EPHA6: variants seen among roughly 807,000 people sequenced by gnomAD.
EPHA6 encodes the protein ephrin type-A receptor 6.
In EPHA6, 50 loss-of-function variants were observed where a neutral mutation model predicts 112.0. That is an observed-to-expected ratio of 0.45 (90% confidence interval 0.36 to 0.56). The LOEUF (loss-of-function observed/expected upper bound fraction) is 0.56. EPHA6 is among the 20% of genes least tolerant of loss of function. The pLI is 0.00. For missense variants in EPHA6, 1,280 were observed against 1,417.4 expected (o/e 0.90, Z 1.56); for synonymous variants, 529 against 490.7 (o/e 1.08, Z -1.03).
At chr3:97,264,265 G>A (rs2079599807) in intron 5 of EPHA6, among the ~76,000 whole-genome samples, 1 of 152,222 alleles carries the variant, frequency 6.6e-6, no homozygotes, top group African/African-American at 2.4e-5. Context: ...TGCCTCCAAG[G>A]GAGAATGCAA....
At chr3:96,861,529 G>T (rs995606890) in intron 1 of EPHA6, among the ~76,000 whole-genome samples, 1 of 151,952 alleles carries the variant, frequency 6.6e-6, no homozygotes, top group Non-Finnish European at 1.5e-5. Flanking sequence ...TAGCAGAGTA[G>T]AAAACTGAAA....
intron 1 of EPHA6, among the ~76,000 whole-genome samples, chr3:96,860,483 C>CT (rs1306613314): frequency 6.6e-6 from 1 of 151,978 alleles, no homozygotes; most frequent in Non-Finnish European, 1.5e-5. Flanking sequence ...GTTATAATCT[C>CT]TTTTATCAGG....
chr3:97,543,502 G>T (rs2092898832), intron 11 of EPHA6, among the ~76,000 whole-genome samples: 1 of 152,166 alleles, frequency 6.6e-6, no homozygotes, highest in Non-Finnish European at 1.5e-5. Flanking sequence ...CTGTAGCCTT[G>T]TAGTATAGTT....
intron 3 of EPHA6, among the ~76,000 whole-genome samples, chr3:97,049,422 TA>T (rs1213717868): frequency 6.6e-6 from 1 of 152,138 alleles, no homozygotes; most frequent in Non-Finnish European, 1.5e-5. Context: ...ATAGAAATAT[TA>T]GGAAGAATAA....
chr3:97,055,151 A>G (rs2045812097), intron 3 of EPHA6, among the ~76,000 whole-genome samples: 1 of 152,146 alleles, frequency 6.6e-6, no homozygotes, highest in Admixed American at 6.6e-5. Flanking sequence ...TGGGTTGCCT[A>G]TTAAATATGA....
intron 2 of EPHA6, among the ~76,000 whole-genome samples, chr3:96,938,002 T>G (rs577190355): frequency 6.6e-6 from 1 of 152,324 alleles, no homozygotes; most frequent in African/African-American, 2.4e-5. Flanking sequence ...GCTGTTTTGG[T>G]TACTGTAGCC....
chr3:97,693,401 T>G lies in EPHA6; in HGVS notation c.2785-26860T>G, dbSNP rs567398622. Among the ~76,000 whole-genome samples the G allele has an allele frequency of 2.6e-5, 4 of 152,382 alleles. No homozygotes were observed. The South Asian group carries it at 8.3e-4, about 32-fold the overall frequency. On this transcript the variant is annotated intron_variant, in intron 14 of 17. Coordinates refer to ENST00000389672, the MANE Select transcript of EPHA6 (RefSeq NM_001080448.3). ...TTAAATTAAATCATATTTAGTCTTC[T>G]TCTGAAGGACAATTGTTTCTAGTAT...
chr3:96,858,973 A>C (rs113361096), intron 1 of EPHA6, among the ~76,000 whole-genome samples: 1,660 of 152,244 alleles, frequency 0.011, 29 homozygotes, highest in African/African-American at 0.038. Context: ...ATAGGCCTTG[A>C]CTTTTTCCAT....
chr3:97,568,408 C>A (rs577288037), intron 11 of EPHA6, among the ~76,000 whole-genome samples: 1 of 152,222 alleles, frequency 6.6e-6, no homozygotes, highest in South Asian at 2.1e-4. Flanking sequence ...AGGTTCCCCA[C>A]AGATTGATGG....
At chr3:97,552,852 A>G (rs1308200620) in intron 11 of EPHA6, among the ~76,000 whole-genome samples, 1 of 152,170 alleles carries the variant, frequency 6.6e-6, no homozygotes, top group Non-Finnish European at 1.5e-5. Flanking sequence ...GTTTTTGAAA[A>G]TGTTTCATAA....
At chr3:96,991,276 T>C (rs1264338224) in intron 3 of EPHA6, among the ~76,000 whole-genome samples, 1 of 152,208 alleles carries the variant, frequency 6.6e-6, no homozygotes, top group African/African-American at 2.4e-5. Context: ...CAGCCCAAAA[T>C]GTATTGGCTT....
Position 96,987,787 on chromosome 3 carries a change from T to C in EPHA6, c.908T>C (p.Phe303Ser). Reference sequence around the variant, plus strand: ...CGTGTTTTCTACAAGAAATGCCCCTTCACTGTTCGTAACTTGGCCATGTTT... The same window carrying C: ...CGTGTTTTCTACAAGAAATGCCCCTCCACTGTTCGTAACTTGGCCATGTTT... ...SVRVFYKKCP[F>S]TVRNLAMFPD... The change falls in exon 3 of 18, where the codon TTC (phenylalanine) becomes TCC (serine). Residue 303 changes from phenylalanine (F) to serine (S), a missense_variant. Phe to Ser is a radical substitution (Grantham distance 155). Coordinates refer to ENST00000389672, the MANE Select transcript of EPHA6 (RefSeq NM_001080448.3). The C allele has an allele frequency of 6.2e-7, 1 of 1,614,020 alleles. No homozygotes were observed. Among genetic ancestry groups the C allele is most frequent in the Non-Finnish European group, 8.5e-7 (1 of 1,179,906 alleles).
chr3:97,103,217 T>C (rs1190382075), intron 3 of EPHA6, among the ~76,000 whole-genome samples: 1 of 151,968 alleles, frequency 6.6e-6, no homozygotes, highest in Non-Finnish European at 1.5e-5. Flanking sequence ...ATTCCTATGG[T>C]ATTTACCATC....
intron 3 of EPHA6, among the ~76,000 whole-genome samples, chr3:97,036,510 A>G (rs990714080): frequency 3.3e-5 from 5 of 152,002 alleles, no homozygotes; most frequent in Admixed American, 2.6e-4. Context: ...TTTCTTACCT[A>G]GCTTAAAAAG....
At chr3:97,562,963 G>A (rs2093211796) in intron 11 of EPHA6, among the ~76,000 whole-genome samples, 1 of 152,038 alleles carries the variant, frequency 6.6e-6, no homozygotes, top group South Asian at 2.1e-4. Flanking sequence ...TACAAAATAT[G>A]TATTTTGTAT....
chr3:97,669,609 A>G lies in EPHA6; in HGVS notation c.2784+31527A>G, dbSNP rs895952547. Among the ~76,000 whole-genome samples, 27 of 152,058 alleles carry G rather than the reference A, an allele frequency of 1.8e-4. 1 individual carries two copies. The highest frequency in any genetic ancestry group is 4.3e-4 in the African/African-American group (18 of 41,528). ...ATATCCCATCTTAAAAAAAAAAAAA[A>G]AAGAAGAAGTAGACTTCTGAGGTTG... is the stretch of plus-strand genomic sequence containing the variant. On this transcript the variant is annotated intron_variant, in intron 14 of 17. Coordinates refer to ENST00000389672, the MANE Select transcript of EPHA6 (RefSeq NM_001080448.3).
rs186153902 is a variant in EPHA6, at chr3:97,035,716, G to A, written c.1114+47723G>A. On this transcript the variant is annotated intron_variant, in intron 3 of 17. Coordinates refer to ENST00000389672, the MANE Select transcript of EPHA6 (RefSeq NM_001080448.3). ...TTATTGTCGGAGATCTCTGCTTCTT[G>A]AGTTACCTTGACTTGATAATATATC... 2.6e-5 allele frequency among the ~76,000 whole-genome samples: 4 copies of A among 151,944 alleles called. No individual in the cohort carries two copies. The East Asian group carries it at 7.8e-4, about 29-fold the overall frequency.
chr3:96,962,082 A>G (rs533388253), intron 2 of EPHA6, among the ~76,000 whole-genome samples: 36 of 152,216 alleles, frequency 2.4e-4, no homozygotes, highest in African/African-American at 8.7e-4. Context: ...TCCTCTAGGG[A>G]TGTTGATTCC....
intron 3 of EPHA6, among the ~76,000 whole-genome samples, chr3:97,079,606 T>TAAAAAAAAAAA (rs71113851): frequency 1.8e-4 from 20 of 113,316 alleles, no homozygotes; most frequent in South Asian, 3.3e-4. Context: ...AAATTAAAAG[T>TAAAAAAAAAAA]AAAAAAAAAA....
Sources: allele counts gnomAD v4.1 joint callset (sites outside exome capture counted in the v4.1 genomes callset), GRCh38; gene constraint gnomAD v4.1.1; transcripts MANE v1.5; gene names NCBI Gene and HGNC (gene_info 2026-07-23, HGNC 2026-07-21).